CIC: variants seen among roughly 807,000 people sequenced by gnomAD.
CIC encodes the protein capicua transcriptional repressor.
Under a neutral mutation model 115.7 loss-of-function variants are expected in CIC, and 18 were observed. The ratio of observed to expected loss-of-function variants is 0.16; its 90% CI spans 0.11 to 0.23. The LOEUF is 0.23. CIC is among the 10% of genes least tolerant of loss of function. The pLI, the probability that CIC is intolerant of heterozygous loss-of-function variation, is 1.00. For missense variants in CIC, 2,000 were observed against 2,159.3 expected (o/e 0.93, Z 1.46); for synonymous variants, 1,076 against 923.0 (o/e 1.17, Z -3.01).
At position 42,295,249 on chromosome 19, in the gene CIC, T is replaced by G; in HGVS notation, c.*58T>G. 1 of 1,465,560 alleles carries G rather than the reference T, an allele frequency of 6.8e-7. No homozygotes were observed. The highest frequency in any genetic ancestry group is 9.2e-7 in the Non-Finnish European group (1 of 1,086,260). 90.8% of individuals were successfully genotyped at this position (1,465,560 alleles called of 1,614,324 possible). A position where few individuals can be genotyped will look rare whatever the true frequency, so the allele number is the denominator to read the frequency against. On this transcript the variant is annotated 3_prime_UTR_variant, in exon 21 of 21. Coordinates refer to ENST00000681038, the MANE Select transcript of CIC (RefSeq NM_001386298.1). ...ACCCCCTCAGGACATGGACAGTATG[T>G]GGGGGCAGGAAGGTTATCTCCTCCC...
In CIC at chr19:42,290,608, C is replaced by T. The variant is rs756285021; in HGVS notation, c.4567C>T (p.Pro1523Ser). Residue 1523 changes from proline to serine, a missense_variant, in exon 11 of 21, where the codon CCC becomes TCC. By Grantham distance (74) the Pro-to-Ser change is moderately conservative. Around this residue, in one of 8 missense-constraint regions of CIC, gnomAD observed 1,466 missense variants for 1,390.4 expected, o/e 1.05. Coordinates refer to ENST00000681038, the MANE Select transcript of CIC (RefSeq NM_001386298.1). Reference sequence around the variant, plus strand: ...TGTGGGTGGCCTGGAGCCACCAGGCCCCTCAGTCATCGCGGCCCCTCCCAG... The same window carrying T: ...TGTGGGTGGCCTGGAGCCACCAGGCTCCTCAGTCATCGCGGCCCCTCCCAG... ...ESVGGLEPPG[P>S]SVIAAPPSGG... 1 of 1,613,786 alleles carries T rather than the reference C, an allele frequency of 6.2e-7. No homozygotes were observed. The highest frequency in any genetic ancestry group is 1.1e-5 in the South Asian group (1 of 91,084).
chr19:42,290,950 G>A lies in CIC; in HGVS notation c.4909G>A (p.Val1637Met), dbSNP rs970782744. The A allele has an allele frequency of 1.2e-6, 2 of 1,613,710 alleles. No homozygotes were observed. The highest frequency in any genetic ancestry group is 1.7e-6 in the Non-Finnish European group (2 of 1,180,014). ...GGGCTCCCCGCTGGGTGTCAGCTTA[G>A]TGTATTCGGACAAGAAGTCGGCAGC... ...PGGSPLGVSLVYSDKKSAAAT... is the reference protein window; with the variant it reads ...PGGSPLGVSLMYSDKKSAAAT... The change falls in exon 11 of 21, where the codon GTG (valine) becomes ATG (methionine). Residue 1637 changes from valine to methionine, a missense_variant. By Grantham distance (21) the Val-to-Met change is conservative. Around this residue, in one of 8 missense-constraint regions of CIC, gnomAD observed 1,466 missense variants for 1,390.4 expected, o/e 1.05. Coordinates refer to ENST00000681038, the MANE Select transcript of CIC (RefSeq NM_001386298.1).
rs1474254517 is a variant in CIC, at chr19:42,290,658, A to G, written c.4617A>G (p.Thr1539=). 1 of 1,613,376 alleles carries G rather than the reference A, an allele frequency of 6.2e-7. No homozygotes were observed. The highest frequency in any genetic ancestry group is 1.7e-5 in the Admixed American group (1 of 60,012). Residue 1539 remains threonine (T), a synonymous_variant, in exon 11 of 21, where the codon ACA becomes ACG. Coordinates refer to ENST00000681038, the MANE Select transcript of CIC (RefSeq NM_001386298.1). ...PPSGGGNILQ[T]LVLPPNKEEQ... is the part of the protein sequence containing the mutation. ...GCGGAGGAGGAAACATCCTGCAGACACTGGTGCTGCCCCCAAACAAGGAGG... is the reference window on the plus strand; with the variant it reads ...GCGGAGGAGGAAACATCCTGCAGACGCTGGTGCTGCCCCCAAACAAGGAGG...
rs770432529 is a variant in CIC, at chr19:42,295,225, C to A, written c.*34C>A. ...TGAGAAGATGCCAGGACTTATAGTA[C>A]CCCCTCAGGACATGGACAGTATGTG... On this transcript the variant is annotated 3_prime_UTR_variant, in exon 21 of 21. Coordinates refer to ENST00000681038, the MANE Select transcript of CIC (RefSeq NM_001386298.1). 8.0e-6 allele frequency: 12 copies of A among 1,507,188 alleles called. No individual in the cohort carries two copies. The highest frequency in any genetic ancestry group is 1.1e-5 in the Non-Finnish European group (12 of 1,128,868). The allele number at this position is 1,507,188 out of a possible 1,614,324, so 93.4% of individuals were successfully genotyped here.
rs758258646 is a variant in CIC at position 42,292,558 on chromosome 19, T to A, written c.5903-8T>A. ...TTGGTCTCCTGCTTCTTCTTCTCTG[T>A]CTTTCAGCAGGCCAAGCCCCACTGC... is the stretch of plus-strand genomic sequence containing the variant. On this transcript the variant is annotated splice_region_variant and splice_polypyrimidine_tract_variant and intron_variant, in intron 14 of 20. Transcript: ENST00000681038. 1.9e-5 allele frequency: 30 copies of A among 1,612,778 alleles called. No individual in the cohort carries two copies. The highest frequency in any genetic ancestry group is 2.5e-5 in the Non-Finnish European group (30 of 1,179,844).
chr19:42,281,713 C>CTTCCCGCCCGGA (rs778890539), intron 2 of CIC, among the ~76,000 whole-genome samples: 1 of 152,216 alleles, frequency 6.6e-6, no homozygotes, highest in Non-Finnish European at 1.5e-5. Flanking sequence ...CAGGGGGGCC[C>CTTCCCGCCCGGA]TTCCCGCCCG....
In CIC at chr19:42,287,050, G is replaced by A. The variant is rs2147177234; in HGVS notation, c.2989G>A (p.Gly997Arg). 6.2e-7 allele frequency: 1 copy of A among 1,612,150 alleles called. No homozygotes were observed. The change falls in exon 4 of 21, where the codon GGG becomes AGG. Residue 997 changes from glycine to arginine, a missense_variant. Physicochemically the swap from Gly to Arg is moderately radical, Grantham distance 125. Coordinates refer to ENST00000681038, the MANE Select transcript of CIC (RefSeq NM_001386298.1). This position sits in a 1 kb window ranked among gnomAD's most constrained non-coding sequence, Gnocchi z 8.7. ...AAVAHERPPG[G>R]TGSADPERPP... ...TGTTGCTCATGAACGGCCACCAGGTGGGACAGGGAGTGCTGACCCTGAGCG... is the reference window on the plus strand; with the variant it reads ...TGTTGCTCATGAACGGCCACCAGGTAGGACAGGGAGTGCTGACCCTGAGCG...
Position 42,295,165 on chromosome 19 carries a change from C to A in CIC, c.7528C>A (p.Pro2510Thr), listed in dbSNP as rs2038431264. Residue 2510 changes from proline (P) to threonine (T), a missense_variant, in exon 21 of 21, where the codon CCC becomes ACC. By Grantham distance (38) the Pro-to-Thr change is conservative. This residue lies in a region of CIC where 133 missense variants were observed against 116.0 expected (regional missense o/e 1.15). Transcript: ENST00000681038. ...CCAGCCCTCCCCCCCACCCCCAGGT[C>A]CCTCCACAGCTGCCACAGGCAGGTG... ...APQPSPPPPG[P>T]STAATGR is the part of the protein sequence containing the mutation. 1 of 1,442,270 alleles carries A rather than the reference C, an allele frequency of 6.9e-7. No homozygotes were observed. The highest frequency in any genetic ancestry group is 9.3e-7 in the Non-Finnish European group (1 of 1,072,822). The allele number at this position is 1,442,270 out of a possible 1,614,324, so 89.3% of individuals were successfully genotyped here.
intron 7 of CIC, 92 bp from the exon 8 acceptor site, chr19:42,288,796 C>A: frequency 8.5e-7 from 1 of 1,177,230 alleles, no homozygotes; most frequent in Non-Finnish European, 1.2e-6. Context: ...CTGCTTCTGC[C>A]TAGTACCTAG....
rs770417602 is a variant in CIC at position 42,273,852 on chromosome 19, G to A, written c.2069G>A (p.Arg690His). Residue 690 changes from arginine to histidine, a missense_variant, in exon 2 of 21, where the codon CGC (arginine) becomes CAC (histidine). Physicochemically the swap from Arg to His is conservative, Grantham distance 29 (BLOSUM62 0). Coordinates refer to ENST00000681038, the MANE Select transcript of CIC (RefSeq NM_001386298.1). Reference sequence around the variant, plus strand: ...CCACCGCCACCTGCCCCCCGAGAGCGCCACTCCTCTGGAATCCTACCCACC... The same window carrying A: ...CCACCGCCACCTGCCCCCCGAGAGCACCACTCCTCTGGAATCCTACCCACC... ...PHPPPPAPRE[R>H]HSSGILPTFQ... 1.3e-5 allele frequency: 5 copies of A among 398,236 alleles called. No individual in the cohort carries two copies. The highest frequency in any genetic ancestry group is 2.1e-5 in the African/African-American group (1 of 48,456). 24.7% of individuals were successfully genotyped at this position (398,236 alleles called of 1,614,324 possible).
chr19:42,294,360 C>T, intron 19 of CIC, 56 bp downstream of exon 19: 2 of 1,606,262 alleles, frequency 1.2e-6, no homozygotes, highest in Admixed American at 3.3e-5. Context: ...GAGTGGGTCT[C>T]TGGAAGGCGG....
At chr19:42,276,117 G>C (rs2036966970) in intron 2 of CIC, among the ~76,000 whole-genome samples, 2 of 152,238 alleles carry the variant, frequency 1.3e-5, no homozygotes, top group Non-Finnish European at 2.9e-5. Context: ...GCAGATGTGA[G>C]CCCGGCAGGG....
Position 42,274,320 on chromosome 19 carries a change from C to T in CIC, c.2537C>T (p.Thr846Ile), listed in dbSNP as rs553052512. 172 of 398,604 alleles carry T rather than the reference C, an allele frequency of 4.3e-4. No individual in the cohort carries two copies. The highest frequency in any genetic ancestry group is 2.6e-3 in the African/African-American group (128 of 48,724). The allele number at this position is 398,604 out of a possible 1,614,324, so 24.7% of individuals were successfully genotyped here. A position where few individuals can be genotyped will look rare whatever the true frequency, so the allele number is the denominator to read the frequency against. Residue 846 changes from threonine to isoleucine, a missense_variant, in exon 2 of 21, where the codon ACC becomes ATC. This residue lies in a region of CIC where 222 missense variants were observed against 247.7 expected (regional missense o/e 0.90). Transcript: ENST00000681038. ...GGACCTGGGCGGGGCTGCCGTGAAA[C>T]CCCAGTGCCCCCTGGGGTGGCCAGT... ...AGGPGRGCRE[T>I]PVPPGVASGK...
Position 42,288,719 on chromosome 19 carries a change from A to C in CIC, c.3659-169A>C, listed in dbSNP as rs1425812476. Among the ~76,000 whole-genome samples, 4 of 151,680 alleles carry C rather than the reference A, an allele frequency of 2.6e-5. No homozygotes were observed. The East Asian group carries it at 7.7e-4, about 29-fold the overall frequency. ...ACCCCAGAGGGCAGGAATCAGCAGG[A>C]ATGAGATGCTGGACTGGTGGTGGGT... On this transcript the variant is annotated intron_variant, in intron 7 of 20. Coordinates refer to ENST00000681038, the MANE Select transcript of CIC (RefSeq NM_001386298.1).
rs190187068 is a variant in CIC at position 42,270,518 on chromosome 19, G to A, written c.-11+1137G>A. On this transcript the variant is annotated intron_variant, in intron 1 of 20. Coordinates refer to ENST00000681038, the MANE Select transcript of CIC (RefSeq NM_001386298.1). The surrounding 1 kb of genome is among the most constrained non-coding windows in gnomAD (Gnocchi z 4.1). ...TTCTTTTCTCAGGGCAGCTCGAAAG[G>A]GGGCGGGCAGTAATGACTGTTCAGG... Among the ~76,000 whole-genome samples, 2 of 152,222 alleles carry A rather than the reference G, an allele frequency of 1.3e-5. No individual in the cohort carries two copies. Among genetic ancestry groups the A allele is most frequent in the Non-Finnish European group, 2.9e-5 (2 of 68,032 alleles).
At chr19:42,288,055 C>G in intron 7 of CIC, 80 bp downstream of exon 7, 1 of 1,486,048 alleles carries the variant, frequency 6.7e-7, no homozygotes. Context: ...TGCTCCTCCC[C>G]TGCCCCAGCA....
chr19:42,288,295 C>T (rs916307926), intron 7 of CIC, among the ~76,000 whole-genome samples: 2 of 152,188 alleles, frequency 1.3e-5, no homozygotes, highest in African/African-American at 4.8e-5. Context: ...AACTGAGGTT[C>T]AGAGAGGCAA....
intron 7 of CIC, 132 bp downstream of exon 7, chr19:42,288,107 C>T (rs1414625203): frequency 1.2e-5 from 12 of 1,011,734 alleles, no homozygotes; most frequent in East Asian, 2.6e-5. Flanking sequence ...GACCCTTATC[C>T]GTAAAGGAAC....
Position 42,286,181 on chromosome 19 carries a change from CTG to C in CIC, c.2795-586_2795-585del, listed in dbSNP as rs367671570. Among the ~76,000 whole-genome samples, 598 of 152,244 alleles carry C rather than the reference CTG, an allele frequency of 3.9e-3. 3 individuals are homozygous for C. Among genetic ancestry groups the C allele is most frequent in the African/African-American group, 0.014 (583 of 41,522 alleles). The stretch of plus-strand genomic sequence containing the variant: ...AGCCAGGAAGGGCAGGTCTGGCACT[CTG>C]TGTTTGTGGTGGGGGAGGAAGGCAA... On this transcript the variant is annotated intron_variant, in intron 2 of 20. Transcript: ENST00000681038.
Sources: allele counts gnomAD v4.1 joint callset (sites outside exome capture counted in the v4.1 genomes callset), GRCh38; gene constraint gnomAD v4.1.1; regional missense constraint gnomAD v4.1.1; non-coding constraint Gnocchi (gnomAD v3.1); transcripts MANE v1.5; gene names NCBI Gene and HGNC (gene_info 2026-07-23, HGNC 2026-07-21).